PCCA: variants seen among roughly 807,000 people sequenced by gnomAD.
PCCA encodes propionyl-CoA carboxylase subunit alpha, also known as propionyl-CoA carboxylase alpha chain, mitochondrial.
Under a neutral mutation model 101.3 loss-of-function variants are expected in PCCA, and 74 were observed. The ratio of observed to expected loss-of-function variants is 0.73; its 90% CI spans 0.61 to 0.89. The LOEUF is 0.89. Among genes scored for constraint, PCCA ranks in the 40% least tolerant of loss-of-function variants. The probability of loss-of-function intolerance (pLI) is 0.00; values close to 1 mark genes in which losing one functional copy is unlikely to be tolerated. For synonymous variants in PCCA, 294 were observed against 313.6 expected, an observed-to-expected ratio of 0.94 and a Z score of 0.66; for missense variants, 891 against 907.0, an observed-to-expected ratio of 0.98 and a Z score of 0.23.
chr13:100,150,531 G>A (rs1308104770), intron 4 of PCCA: 7 of 1,336,908 alleles, frequency 5.2e-6, no homozygotes, highest in Non-Finnish European at 7.3e-6. Context: ...CAAGCTCCCC[G>A]GCGAGAACCA....
At chr13:100,191,525 G>A (rs1442374748) in intron 6 of PCCA, among the ~76,000 whole-genome samples, 3 of 152,172 alleles carry the variant, frequency 2.0e-5, no homozygotes, top group African/African-American at 7.2e-5. Flanking sequence ...CAAGGAACTC[G>A]TCCAAGGCCA....
chr13:100,520,985 T>C (rs558680544), intron 22 of PCCA, among the ~76,000 whole-genome samples: 1 of 152,234 alleles, frequency 6.6e-6, no homozygotes, highest in East Asian at 2.0e-4. Flanking sequence ...AATAAAAGTT[T>C]ACAAAAAATC....
intron 23 of PCCA, among the ~76,000 whole-genome samples, 177 bp from the exon 24 acceptor site, chr13:100,529,921 C>T (rs1026529948): frequency 2.0e-5 from 3 of 151,568 alleles, no homozygotes; most frequent in African/African-American, 7.3e-5. Context: ...GCCACCATGG[C>T]GCCTCCCTGT....
intron 22 of PCCA, among the ~76,000 whole-genome samples, chr13:100,518,618 T>G (rs991135630): frequency 6.6e-6 from 1 of 152,212 alleles, no homozygotes; most frequent in Non-Finnish European, 1.5e-5. Context: ...GGAGAGAGGA[T>G]GTTAATACAC....
At chr13:100,355,573 A>G (rs2073880044) in intron 18 of PCCA, among the ~76,000 whole-genome samples, 2 of 152,186 alleles carry the variant, frequency 1.3e-5, no homozygotes, top group South Asian at 2.1e-4. Context: ...ATAGCACCAA[A>G]AAATATACAA....
chr13:100,193,154 A>C (rs118049094), intron 6 of PCCA, among the ~76,000 whole-genome samples: 1 of 152,284 alleles, frequency 6.6e-6, no homozygotes, highest in Non-Finnish European at 1.5e-5. Context: ...CAAGCAGGTG[A>C]GATGGGCCTG....
Position 100,444,567 on chromosome 13 carries a change from C to T in PCCA, c.1846-4685C>T, listed in dbSNP as rs569627453. Among the ~76,000 whole-genome samples, 65 of 150,118 alleles carry T rather than the reference C, an allele frequency of 4.3e-4. 1 individual carries two copies. Among genetic ancestry groups the T allele is most frequent in the South Asian group, 1.5e-3 (7 of 4,698 alleles). On this transcript the variant is annotated intron_variant, in intron 20 of 23. Transcript: ENST00000376285. The stretch of plus-strand genomic sequence containing the variant: ...ACGCCATTCTCCTGCCTCAGCCTCC[C>T]GAGTAGCTGGGACTACAGGTGCCCG...
intron 10 of PCCA, among the ~76,000 whole-genome samples, chr13:100,264,401 C>T (rs1247136054): frequency 1.3e-5 from 2 of 152,148 alleles, no homozygotes; most frequent in African/African-American, 4.8e-5. Context: ...ACACCACTTC[C>T]TAGTCAGTCC....
chr13:100,292,965 T>TGTGTG lies in PCCA; in HGVS notation c.1066-8495_1066-8494insGTGTG, dbSNP rs1595156115. Among the ~76,000 whole-genome samples the TGTGTG allele has an allele frequency of 4.5e-4, 24 of 53,316 alleles. No homozygotes were observed. In the South Asian group the frequency reaches 0.011, roughly 25 times the overall value. The allele number at this position is 53,316 out of a possible 152,430, so 35.0% of individuals were successfully genotyped here. A position where few individuals can be genotyped will look rare whatever the true frequency, so the allele number is the denominator to read the frequency against. On this transcript the variant is annotated intron_variant, in intron 12 of 23. Coordinates refer to ENST00000376285, the MANE Select transcript of PCCA (RefSeq NM_000282.4). Reference sequence around the variant, plus strand: ...TGTGTGTGTGTGTGTGTGTGTCTGTTTGTGTGTGTGTAATTAATAATTTCC... The same window carrying TGTGTG: ...TGTGTGTGTGTGTGTGTGTGTCTGTTGTGTGTGTGTGTGTGTAATTAATAATTTCC...
chr13:100,102,999 C>A, intron 2 of PCCA, 39 bp downstream of exon 2: 1 of 1,324,988 alleles, frequency 7.5e-7, no homozygotes, highest in Non-Finnish European at 1.1e-6. Flanking sequence ...CTAAATTAAA[C>A]TTATCATGGT....
intron 12 of PCCA, among the ~76,000 whole-genome samples, chr13:100,288,739 C>T (rs2064893612): frequency 6.6e-6 from 1 of 152,082 alleles, no homozygotes; most frequent in African/African-American, 2.4e-5. Context: ...GCATTTCTTT[C>T]CTTCTTTCCT....
chr13:100,126,511 C>G (rs1375363118), intron 4 of PCCA, among the ~76,000 whole-genome samples: 1 of 151,620 alleles, frequency 6.6e-6, no homozygotes, highest in African/African-American at 2.4e-5. Context: ...TTTCCACCAT[C>G]AAAATGCTTG....
intron 4 of PCCA, among the ~76,000 whole-genome samples, chr13:100,136,640 C>A (rs898155454): frequency 6.6e-6 from 1 of 151,976 alleles, no homozygotes; most frequent in Admixed American, 6.6e-5. Flanking sequence ...TTGTGTTTTG[C>A]CATTTTTGAG....
chr13:100,461,896 A>G (rs957601199), intron 21 of PCCA, among the ~76,000 whole-genome samples: 1 of 152,210 alleles, frequency 6.6e-6, no homozygotes, highest in Non-Finnish European at 1.5e-5. Flanking sequence ...CATAGAAACC[A>G]GAGCCTTTCT....
chr13:100,228,899 C>CA (rs36067066), intron 7 of PCCA, among the ~76,000 whole-genome samples: 9,371 of 83,172 alleles, frequency 0.11, 595 homozygotes, highest in African/African-American at 0.23. Flanking sequence ...GACTCTTTCT[C>CA]AAAAAAAAAA....
chr13:100,109,183 C>CT (rs2048084537), intron 2 of PCCA, among the ~76,000 whole-genome samples: 1 of 152,314 alleles, frequency 6.6e-6, no homozygotes, highest in Admixed American at 6.5e-5. Flanking sequence ...ATTCTAAACA[C>CT]TTTAAGAGTG....
At chr13:100,502,428 C>G (rs1259167097) in intron 21 of PCCA, among the ~76,000 whole-genome samples, 2 of 152,160 alleles carry the variant, frequency 1.3e-5, no homozygotes, top group African/African-American at 4.8e-5. Context: ...ATGGCTGGTA[C>G]TCAGTATTCC....
chr13:100,469,658 C>CT (rs1474245046), intron 21 of PCCA, among the ~76,000 whole-genome samples: 1 of 151,848 alleles, frequency 6.6e-6, no homozygotes, highest in East Asian at 1.9e-4. Context: ...CGCCTGTAGT[C>CT]TCAGCTACTC....
intron 19 of PCCA, among the ~76,000 whole-genome samples, chr13:100,409,199 G>C (rs996728618): frequency 6.6e-6 from 1 of 152,170 alleles, no homozygotes; most frequent in Non-Finnish European, 1.5e-5. Flanking sequence ...AGCAGGCGGT[G>C]GGGGCACAGT....
Sources: allele counts gnomAD v4.1 joint callset (sites outside exome capture counted in the v4.1 genomes callset), GRCh38; gene constraint gnomAD v4.1.1; transcripts MANE v1.5; gene names NCBI Gene and HGNC (gene_info 2026-07-23, HGNC 2026-07-21).